The following NEXMIF variants were observed in gnomAD, a reference collection of about 807,000 sequenced individuals.
NEXMIF encodes the protein neurite extension and migration factor.
NEXMIF carries 8 observed loss-of-function variants against 62.1 expected under a neutral mutation model. That is an observed-to-expected ratio of 0.13 (90% CI 0.08 to 0.23). NEXMIF has a LOEUF of 0.23. Ranked by LOEUF, NEXMIF falls within the 10% of genes least tolerant of loss-of-function variation. The pLI, the probability that NEXMIF is intolerant of heterozygous loss-of-function variation, is 1.00. For missense variants in NEXMIF, 976 were observed against 1,113.3 expected, an observed-to-expected ratio of 0.88 and a Z score of 1.75; for synonymous variants, 404 against 416.6, an observed-to-expected ratio of 0.97 and a Z score of 0.37.
At chrX:74,806,746 G>T (rs779527145) in intron 1 of NEXMIF, among the ~76,000 whole-genome samples, 2 of 112,558 alleles carry the variant, frequency 1.8e-5, no homozygotes, top group South Asian at 7.3e-4. Flanking sequence ...TTTTGTGAAA[G>T]GTGTAAGGTC....
intron 1 of NEXMIF, among the ~76,000 whole-genome samples, chrX:74,869,923 C>T (rs1328898076): frequency 9.0e-6 from 1 of 110,740 alleles, no homozygotes; most frequent in African/African-American, 3.3e-5. Flanking sequence ...AATGCAATCC[C>T]TATCAAAATA....
intron 1 of NEXMIF, among the ~76,000 whole-genome samples, chrX:74,894,805 C>T (rs2080727996): frequency 9.0e-6 from 1 of 111,675 alleles, no homozygotes; most frequent in Non-Finnish European, 1.9e-5. Context: ...TAATAAAAAC[C>T]CTCAAAGAAG....
intron 1 of NEXMIF, among the ~76,000 whole-genome samples, chrX:74,880,376 T>C (rs1477122409): frequency 9.0e-6 from 1 of 111,603 alleles, no homozygotes; most frequent in African/African-American, 3.3e-5. Flanking sequence ...TGTGACTTCA[T>C]GATGATGGCC....
intron 1 of NEXMIF, among the ~76,000 whole-genome samples, chrX:74,796,180 TAC>T (rs1556023998): frequency 2.1e-4 from 15 of 71,735 alleles, no homozygotes; most frequent in African/African-American, 7.3e-4. Flanking sequence ...ATTATATATA[TAC>T]ATATATATTA....
Position 74,789,386 on chromosome X carries a change from T to G in NEXMIF, c.-47-43689A>C, listed in dbSNP as rs1250244459. ...ATCCAGTCTATCATTGTTGGACATT[T>G]GGGTTGGTTCCAAGTCTTTGCTATT... is the stretch of plus-strand genomic sequence containing the variant. On this transcript the variant is annotated intron_variant, in intron 1 of 3. Transcript: ENST00000055682. Among the ~76,000 whole-genome samples, 72 of 107,296 alleles carry G rather than the reference T, an allele frequency of 6.7e-4. 1 individual carries two copies. Among genetic ancestry groups the G allele is most frequent in the African/African-American group, 2.4e-3 (72 of 29,410 alleles). 93.2% of individuals were successfully genotyped at this position (107,296 alleles called of 115,157 possible).
intron 1 of NEXMIF, among the ~76,000 whole-genome samples, chrX:74,793,348 G>C (rs1413984853): frequency 2.7e-5 from 3 of 109,179 alleles, no homozygotes; most frequent in Non-Finnish European, 5.7e-5. Flanking sequence ...GAGATCCGCT[G>C]TTAGTCTGAT....
intron 1 of NEXMIF, among the ~76,000 whole-genome samples, chrX:74,789,322 G>A (rs1396808334): frequency 1.9e-5 from 2 of 105,958 alleles, no homozygotes; most frequent in South Asian, 4.5e-4. Context: ...TTTTATGGCT[G>A]CATAGTATTC....
intron 1 of NEXMIF, among the ~76,000 whole-genome samples, chrX:74,787,032 G>A (rs750653409): frequency 2.8e-5 from 3 of 106,277 alleles, no homozygotes; most frequent in East Asian, 3.0e-4. Context: ...AGGCTGAGGC[G>A]GGCAGATCAC....
intron 1 of NEXMIF, among the ~76,000 whole-genome samples, chrX:74,789,695 T>C (rs2080272687): frequency 9.0e-6 from 1 of 110,582 alleles, no homozygotes; most frequent in Admixed American, 9.7e-5. Context: ...TATCTCATTG[T>C]GGTTTTGATT....
At chrX:74,826,473 G>C (rs1169370920) in intron 1 of NEXMIF, among the ~76,000 whole-genome samples, 1 of 111,551 alleles carries the variant, frequency 9.0e-6, no homozygotes, top group Non-Finnish European at 1.9e-5. Context: ...TTGTTTCCTG[G>C]CTACTAAGTT....
intron 1 of NEXMIF, among the ~76,000 whole-genome samples, chrX:74,794,381 C>T: frequency 9.3e-6 from 1 of 107,070 alleles, no homozygotes; most frequent in Admixed American, 1.0e-4. Context: ...CTCTTCAAAG[C>T]TGTCAGACAG....
At chrX:74,791,055 A>G (rs1244649577) in intron 1 of NEXMIF, among the ~76,000 whole-genome samples, 2 of 110,486 alleles carry the variant, frequency 1.8e-5, no homozygotes, top group Non-Finnish European at 3.8e-5. Context: ...GTCTTGTGCC[A>G]GTTTTCAAAG....
intron 1 of NEXMIF, among the ~76,000 whole-genome samples, chrX:74,915,632 T>C (rs1359430866): frequency 8.9e-6 from 1 of 111,839 alleles, no homozygotes; most frequent in East Asian, 2.8e-4. Context: ...TCCATCCAGA[T>C]AGACCAAATA....
chrX:74,809,478 T>G (rs1043315513), intron 1 of NEXMIF, among the ~76,000 whole-genome samples: 2 of 111,536 alleles, frequency 1.8e-5, no homozygotes, highest in African/African-American at 6.5e-5. Context: ...GTCTTTGCAT[T>G]GTGTTTCTTT....
At chrX:74,761,461 T>C (rs1400478690) in intron 1 of NEXMIF, among the ~76,000 whole-genome samples, 1 of 111,450 alleles carries the variant, frequency 9.0e-6, no homozygotes, top group East Asian at 2.8e-4. Context: ...AGAATGTATG[T>C]GTCCAGGAAT....
At position 74,806,887 on chromosome X, in the gene NEXMIF, CTATT is replaced by C. The variant is rs199728100; in HGVS notation, c.-47-61194_-47-61191del. Among the ~76,000 whole-genome samples the C allele has an allele frequency of 8.0e-4, 90 of 112,814 alleles. 1 individual carries two copies. In the East Asian group the frequency reaches 0.023, roughly 29 times the overall value. ...AGATCAGTTGACTGTATTTGTGTAT[CTATT>C]CTGTTCCATTATCTATTTGTCTGTT... On this transcript the variant is annotated intron_variant, in intron 1 of 3. Transcript: ENST00000055682.
At chrX:74,843,362 G>A (rs1284347889) in intron 1 of NEXMIF, among the ~76,000 whole-genome samples, 2 of 109,778 alleles carry the variant, frequency 1.8e-5, no homozygotes, top group African/African-American at 6.6e-5. Context: ...GCCTGTAAGT[G>A]TCATTATGTG....
chrX:74,835,825 G>A (rs1211694025), intron 1 of NEXMIF, among the ~76,000 whole-genome samples: 1 of 111,917 alleles, frequency 8.9e-6, no homozygotes, highest in Non-Finnish European at 1.9e-5. Flanking sequence ...GGCAAAGTCA[G>A]ACTGTTTGGT....
At chrX:74,903,187 G>T (rs771642054) in intron 1 of NEXMIF, among the ~76,000 whole-genome samples, 1 of 111,349 alleles carries the variant, frequency 9.0e-6, no homozygotes, top group Non-Finnish European at 1.9e-5. Context: ...ATTTCTAAAC[G>T]TTAATCAACT....
Sources: gnomAD v4.1 joint callset for allele counts (sites outside exome capture counted in the v4.1 genomes callset) on GRCh38, gnomAD v4.1.1 for gene constraint, MANE v1.5 for transcripts, NCBI Gene and HGNC (gene_info 2026-07-23, HGNC 2026-07-21) for gene names.